The following RARG variants were observed in gnomAD, a reference collection of about 807,000 sequenced individuals.
RARG encodes RAR-gamma.
A neutral mutation model predicts 43.7 loss-of-function variants in RARG; 17 were observed. That is an observed-to-expected ratio of 0.39 (90% CI 0.27 to 0.58). RARG has a LOEUF of 0.58. RARG is among the 20% of genes least tolerant of loss of function. The probability of loss-of-function intolerance (pLI) is 0.57; values close to 1 mark genes in which losing one functional copy is unlikely to be tolerated. For synonymous variants in RARG, 238 were observed against 236.4 expected (o/e 1.01, Z -0.06); for missense variants, 346 against 598.7 (o/e 0.58, Z 4.40).
Position 53,210,637 on chromosome 12 carries a change from G to C in RARG, c.*1039C>G, listed in dbSNP as rs1592421543. On this transcript the variant is annotated 3_prime_UTR_variant, in exon 10 of 10. Coordinates refer to ENST00000425354, the MANE Select transcript of RARG (RefSeq NM_000966.6). Reference sequence around the variant, plus strand: ...ATATGCGATACAGCGGGGTAGAGGGGAGATGTAAACAGAGGGGAGGGGACA... The same window carrying C: ...ATATGCGATACAGCGGGGTAGAGGGCAGATGTAAACAGAGGGGAGGGGACA... The C allele has an allele frequency of 6.6e-6, 1 of 152,646 alleles. No individual in the cohort carries two copies. The highest frequency in any genetic ancestry group is 2.4e-5 in the African/African-American group (1 of 41,414). The allele number at this position is 152,646 out of a possible 1,614,324, so 9.5% of individuals were successfully genotyped here. A position where few individuals can be genotyped will look rare whatever the true frequency, so the allele number is the denominator to read the frequency against.
chr12:53,221,491 TTAAA>T (rs1302155445), intron 3 of RARG, among the ~76,000 whole-genome samples: 1 of 152,118 alleles, frequency 6.6e-6, no homozygotes, highest in East Asian at 1.9e-4. Context: ...CTCAGGGTCT[TTAAA>T]TACCCTCTAG....
intron 3 of RARG, among the ~76,000 whole-genome samples, chr12:53,219,568 AACGATATTTTTAAC>A (rs1430033496): frequency 1.3e-5 from 2 of 152,190 alleles, no homozygotes; most frequent in Non-Finnish European, 2.9e-5. Context: ...ACGCTCTGCA[AACGATATTTTTAAC>A]ACTGCCAGCT....
intron 3 of RARG, chr12:53,219,857 TCC>T: frequency 8.2e-7 from 1 of 1,226,168 alleles, no homozygotes; most frequent in South Asian, 1.7e-5. Flanking sequence ...CAGAAGCTCC[TCC>T]TTGCACCTCA....
At chr12:53,223,443 G>A (rs2120709045) in intron 3 of RARG, among the ~76,000 whole-genome samples, 1 of 151,558 alleles carries the variant, frequency 6.6e-6, no homozygotes, top group South Asian at 2.1e-4. Context: ...TGGGCAGGAT[G>A]GGGGCTGGGA....
chr12:53,221,668 C>T (rs1268518156), intron 3 of RARG, among the ~76,000 whole-genome samples: 1 of 150,666 alleles, frequency 6.6e-6, no homozygotes, highest in East Asian at 2.0e-4. Context: ...CCTGGCCCGG[C>T]AGGGCCGAAT....
At chr12:53,218,789 G>A (rs1592436187) in intron 3 of RARG, among the ~76,000 whole-genome samples, 1 of 150,590 alleles carries the variant, frequency 6.6e-6, no homozygotes. Flanking sequence ...CCCAGCGCCC[G>A]CCGCCCCGCC....
intron 3 of RARG, among the ~76,000 whole-genome samples, chr12:53,218,362 G>A (rs903310063): frequency 1.3e-5 from 2 of 152,136 alleles, no homozygotes; most frequent in Non-Finnish European, 2.9e-5. Context: ...CAAGCCCAAA[G>A]GGCTTCTTCC....
intron 3 of RARG, among the ~76,000 whole-genome samples, chr12:53,221,822 G>T (rs895622141): frequency 1.3e-5 from 2 of 151,326 alleles, no homozygotes; most frequent in Non-Finnish European, 3.0e-5. Flanking sequence ...GCAGCGCCGC[G>T]GAGCGGGAGC....
intron 3 of RARG, among the ~76,000 whole-genome samples, chr12:53,216,510 A>G (rs754001209): frequency 1.3e-5 from 2 of 152,188 alleles, no homozygotes; most frequent in African/African-American, 2.4e-5. Flanking sequence ...AACTGAGGCC[A>G]CGAGAGGGGA....
intron 2 of RARG, among the ~76,000 whole-genome samples, chr12:53,228,695 C>T (rs180672833): frequency 3.1e-4 from 47 of 149,592 alleles, no homozygotes; most frequent in African/African-American, 5.1e-4. Context: ...CTCCTTTTTT[C>T]TCTCTCTCTC....
intron 3 of RARG, among the ~76,000 whole-genome samples, chr12:53,224,156 G>A (rs1305067886): frequency 6.6e-6 from 1 of 151,996 alleles, no homozygotes; most frequent in Non-Finnish European, 1.5e-5. Context: ...CTTTCCATGA[G>A]CACAGGCCTG....
intron 3 of RARG, among the ~76,000 whole-genome samples, chr12:53,221,152 C>T (rs1321217059): frequency 6.7e-6 from 1 of 149,264 alleles, no homozygotes; most frequent in Non-Finnish European, 1.5e-5. Flanking sequence ...TCAGCGCTGC[C>T]GCGGAGTCCC....
At chr12:53,228,214 G>A (rs1438967344) in intron 2 of RARG, among the ~76,000 whole-genome samples, 1 of 152,070 alleles carries the variant, frequency 6.6e-6, no homozygotes, top group African/African-American at 2.4e-5. Flanking sequence ...AAGGTTAGGG[G>A]GACAGACTCT....
chr12:53,218,352 C>CA (rs1792066326), intron 3 of RARG, among the ~76,000 whole-genome samples: 1 of 152,200 alleles, frequency 6.6e-6, no homozygotes, highest in Admixed American at 6.5e-5. Flanking sequence ...TAGGGCCAGT[C>CA]AAGCCCAAAG....
At chr12:53,219,747 C>T (rs961844802) in intron 3 of RARG, among the ~76,000 whole-genome samples, 3 of 152,190 alleles carry the variant, frequency 2.0e-5, no homozygotes, top group Non-Finnish European at 2.9e-5. Context: ...GCTAAACACC[C>T]ACCATAAAAA....
rs562422833 is a variant in RARG, at chr12:53,210,985, T to A, written c.*691A>T. Reference sequence around the variant, plus strand: ...TAGTGTAGGAGGGTCCCTGCCCCAATGGCTGAGATGGAGGGCAGGAGGAGC... The same window carrying A: ...TAGTGTAGGAGGGTCCCTGCCCCAAAGGCTGAGATGGAGGGCAGGAGGAGC... On this transcript the variant is annotated 3_prime_UTR_variant, in exon 10 of 10. Transcript: ENST00000425354. 1 of 152,720 alleles carries A rather than the reference T, an allele frequency of 6.5e-6. No homozygotes were observed. Among genetic ancestry groups the A allele is most frequent in the South Asian group, 2.1e-4 (1 of 4,826 alleles). The allele number at this position is 152,720 out of a possible 1,614,324, so 9.5% of individuals were successfully genotyped here.
intron 3 of RARG, among the ~76,000 whole-genome samples, chr12:53,217,460 G>A (rs1289038520): frequency 2.0e-5 from 3 of 152,332 alleles, no homozygotes; most frequent in East Asian, 3.9e-4. Context: ...CCTCTCTTGC[G>A]CAAGGGCCTG....
At position 53,213,921 on chromosome 12, in the gene RARG, TA is replaced by T; in HGVS notation, c.813+137del. The T allele has an allele frequency of 8.4e-7, 1 of 1,189,232 alleles. No individual in the cohort carries two copies. The highest frequency in any genetic ancestry group is 1.2e-6 in the Non-Finnish European group (1 of 839,086). The allele number at this position is 1,189,232 out of a possible 1,614,324, so 73.7% of individuals were successfully genotyped here. On this transcript the variant is annotated intron_variant, in intron 7 of 9. Transcript: ENST00000425354. The surrounding 1 kb of genome is among the most constrained non-coding windows in gnomAD (Gnocchi z 4.7). ...AGGATCAGGTCATAGGGGCAGAGGC[TA>T]AGACGAAAAGAGAGCTGAGGAGTCC...
In RARG at chr12:53,232,080, C is replaced by T; in HGVS notation, c.-316G>A. Reference sequence around the variant, plus strand: ...CCGGGGCTCGCCGTACTGGGGGGCTCCTGGGGGGGCACGGCTCTAGGCTGG... The same window carrying T: ...CCGGGGCTCGCCGTACTGGGGGGCTTCTGGGGGGGCACGGCTCTAGGCTGG... On this transcript the variant is annotated 5_prime_UTR_variant, in exon 1 of 10. Transcript: ENST00000425354. 1 of 398,582 alleles carries T rather than the reference C, an allele frequency of 2.5e-6. No homozygotes were observed. The highest frequency in any genetic ancestry group is 4.4e-6 in the Non-Finnish European group (1 of 226,030). 24.7% of individuals were successfully genotyped at this position (398,582 alleles called of 1,614,324 possible).
Sources: gnomAD v4.1 joint callset for allele counts (sites outside exome capture counted in the v4.1 genomes callset) on GRCh38, gnomAD v4.1.1 for gene constraint, Gnocchi (gnomAD v3.1) non-coding constraint, MANE v1.5 for transcripts, NCBI Gene and HGNC (gene_info 2026-07-23, HGNC 2026-07-21) for gene names.